Variants in ARID2 observed in about 807,000 individuals in gnomAD.
The protein encoded by ARID2 is AT-rich interactive domain-containing protein 2.
A neutral mutation model predicts 184.6 loss-of-function variants in ARID2; 32 were observed. The ratio of observed to expected loss-of-function variants is 0.17; its 90% CI spans 0.13 to 0.23. ARID2 has a LOEUF of 0.23. ARID2 is among the 10% of genes least tolerant of loss of function. ARID2 has a pLI of 1.00. For missense variants in ARID2, 1,696 were observed against 2,197.6 expected (o/e 0.77, Z 4.56); for synonymous variants, 836 against 772.6 (o/e 1.08, Z -1.36).
rs958797303 is a variant in ARID2 at position 45,906,683 on chromosome 12, AAG to A, written c.*1610_*1611del. 6 of 232,070 alleles carry A rather than the reference AAG, an allele frequency of 2.6e-5. No homozygotes were observed. Among genetic ancestry groups the A allele is most frequent in the African/African-American group, 4.4e-5 (2 of 45,300 alleles). 14.4% of individuals were successfully genotyped at this position (232,070 alleles called of 1,614,324 possible). A position where few individuals can be genotyped will look rare whatever the true frequency, so the allele number is the denominator to read the frequency against. ...ATAACATATTAAATAGAGAACAAATAAGAGAGGTCCTTTACATGACAAATTTG... is the reference window on the plus strand; with the variant it reads ...ATAACATATTAAATAGAGAACAAATAAGAGGTCCTTTACATGACAAATTTG... On this transcript the variant is annotated 3_prime_UTR_variant, in exon 21 of 21. Transcript: ENST00000334344.
intron 3 of ARID2, among the ~76,000 whole-genome samples, chr12:45,798,096 C>T (rs995741850): frequency 6.6e-6 from 1 of 152,024 alleles, no homozygotes; most frequent in Non-Finnish European, 1.5e-5. Context: ...GCTCTGTACC[C>T]TTTTTTACTA....
chr12:45,790,851 T>A (rs183502769), intron 3 of ARID2, among the ~76,000 whole-genome samples: 269 of 152,338 alleles, frequency 1.8e-3, no homozygotes, highest in Middle Eastern at 3.4e-3. Context: ...TGATTTTTTT[T>A]AATAATTCCC....
chr12:45,822,837 T>C lies in ARID2; in HGVS notation c.705+1350T>C, dbSNP rs573218595. Among the ~76,000 whole-genome samples the C allele has an allele frequency of 1.3e-3, 192 of 152,262 alleles. 1 individual carries two copies. Among genetic ancestry groups the C allele is most frequent in the African/African-American group, 4.5e-3 (186 of 41,558 alleles). Reference sequence around the variant, plus strand: ...AGGCCCCAGATGTATAAAGCAAATATTAGTAGAGCTAAAAAGAGACCCCAA... The same window carrying C: ...AGGCCCCAGATGTATAAAGCAAATACTAGTAGAGCTAAAAAGAGACCCCAA... On this transcript the variant is annotated intron_variant, in intron 6 of 20. Coordinates refer to ENST00000334344, the MANE Select transcript of ARID2 (RefSeq NM_152641.4).
chr12:45,790,309 G>A (rs1942272185), intron 3 of ARID2, among the ~76,000 whole-genome samples: 1 of 151,816 alleles, frequency 6.6e-6, no homozygotes, highest in South Asian at 2.1e-4. Context: ...TATGCCTTAT[G>A]GTTCTGTAAC....
intron 8 of ARID2, 39 bp downstream of exon 8, chr12:45,837,030 T>C (rs779680634): frequency 6.3e-7 from 1 of 1,583,414 alleles, no homozygotes; most frequent in South Asian, 1.2e-5. Context: ...TTTTTATAGT[T>C]AGCAACATTT....
intron 3 of ARID2, among the ~76,000 whole-genome samples, chr12:45,738,779 C>CTTTTTTTTTTTTTTTTTTTTT (rs11333868): frequency 3.2e-5 from 2 of 62,304 alleles, no homozygotes; most frequent in African/African-American, 8.5e-5. Context: ...ATATGGGCTA[C>CTTTTTTTTTTTTTTTTTTTTT]TTTTTTTTTT....
In ARID2 at chr12:45,811,550, G is replaced by A. The variant is rs1942709057; in HGVS notation, c.417G>A (p.Ser139=). Residue 139 remains serine (S), a splice_region_variant and synonymous_variant, in exon 4 of 21, where the codon TCG becomes TCA. Transcript: ENST00000334344. Reference sequence around the variant, plus strand: ...ACAATTACCAGCAACACAGTGTGTCGGGTAAATATCACTGCAAATTAACAG... The same window carrying A: ...ACAATTACCAGCAACACAGTGTGTCAGGTAAATATCACTGCAAATTAACAG... ...SSYNYQQHSV[S]DYLRQSYGLS... is the part of the protein sequence containing the mutation. The A allele has an allele frequency of 6.2e-6, 10 of 1,611,510 alleles. No individual in the cohort carries two copies. The highest frequency in any genetic ancestry group is 2.2e-5 in the East Asian group (1 of 44,810).
At chr12:45,763,648 A>T (rs1361970015) in intron 3 of ARID2, among the ~76,000 whole-genome samples, 1 of 151,726 alleles carries the variant, frequency 6.6e-6, no homozygotes, top group Non-Finnish European at 1.5e-5. Context: ...ACAAAAAAAA[A>T]AAAATTTTTT....
intron 3 of ARID2, among the ~76,000 whole-genome samples, chr12:45,772,953 A>G (rs1285415875): frequency 6.6e-6 from 1 of 152,204 alleles, no homozygotes; most frequent in African/African-American, 2.4e-5. Context: ...CAGTAGCAGA[A>G]TATGGATTTT....
intron 20 of ARID2, among the ~76,000 whole-genome samples, chr12:45,897,811 C>T (rs904902657): frequency 6.6e-5 from 10 of 151,814 alleles, no homozygotes; most frequent in Admixed American, 2.6e-4. Flanking sequence ...GTAAAGTTCA[C>T]GCTTTTTAGT....
rs1944550127 is a variant in ARID2, at chr12:45,907,802, T to A, written c.*2724T>A. 1 of 232,368 alleles carries A rather than the reference T, an allele frequency of 4.3e-6. No individual in the cohort carries two copies. The highest frequency in any genetic ancestry group is 2.2e-5 in the African/African-American group (1 of 45,282). The allele number at this position is 232,368 out of a possible 1,614,324, so 14.4% of individuals were successfully genotyped here. A position where few individuals can be genotyped will look rare whatever the true frequency, so the allele number is the denominator to read the frequency against. ...AGTCTACAACATAGAGACTGTATAA[T>A]TCTGTGTTATATATGTGCCTAGTGC... On this transcript the variant is annotated 3_prime_UTR_variant, in exon 21 of 21. Transcript: ENST00000334344.
chr12:45,772,089 A>G (rs1941889410), intron 3 of ARID2, among the ~76,000 whole-genome samples: 1 of 152,194 alleles, frequency 6.6e-6, no homozygotes, highest in South Asian at 2.1e-4. Context: ...TAAGATGTAT[A>G]TGGGAAGCCC....
chr12:45,751,413 G>A (rs1297171975), intron 3 of ARID2, among the ~76,000 whole-genome samples: 2 of 152,206 alleles, frequency 1.3e-5, no homozygotes, highest in Non-Finnish European at 2.9e-5. Flanking sequence ...AGCAGATCTT[G>A]TAGGGCCTCT....
chr12:45,874,777 A>G (rs1253708382), intron 16 of ARID2, among the ~76,000 whole-genome samples: 1 of 152,246 alleles, frequency 6.6e-6, no homozygotes, highest in Non-Finnish European at 1.5e-5. Flanking sequence ...TTACTTTGCC[A>G]GATCTATCCA....
In ARID2 at chr12:45,810,943, C is replaced by G. The variant is rs555637941; in HGVS notation, c.285-475C>G. Among the ~76,000 whole-genome samples the G allele has an allele frequency of 5.9e-5, 9 of 151,924 alleles. No individual in the cohort carries two copies. The East Asian group carries it at 1.6e-3, about 26-fold the overall frequency. On this transcript the variant is annotated intron_variant, in intron 3 of 20. Coordinates refer to ENST00000334344, the MANE Select transcript of ARID2 (RefSeq NM_152641.4). The stretch of plus-strand genomic sequence containing the variant: ...ATTGCATTGAGGCCGGGCGCGGTGG[C>G]TCATGCCTGTAATCCCAGCACTTTG...
intron 3 of ARID2, among the ~76,000 whole-genome samples, chr12:45,778,814 G>T (rs561977541): frequency 1.2e-4 from 18 of 151,974 alleles, no homozygotes; most frequent in Admixed American, 5.2e-4. Flanking sequence ...GCTGATACTG[G>T]TTAATTATAG....
rs149219400 is a variant in ARID2, at chr12:45,836,648, G to T, written c.765G>T (p.Lys255Asn). Residue 255 changes from lysine to asparagine, a missense_variant, in exon 7 of 21, where the codon AAG becomes AAT. Physicochemically the swap from Lys to Asn is moderately conservative, Grantham distance 94 (BLOSUM62 0). Coordinates refer to ENST00000334344, the MANE Select transcript of ARID2 (RefSeq NM_152641.4). ...EVRDLISDRNKSHEGTSGEWI... is the reference protein window; with the variant it reads ...EVRDLISDRNNSHEGTSGEWI... ...GTGACCTCATTTCTGACAGAAACAA[G>T]TCTCATGGTAAGTTAGTGAAAGCAA... The T allele has an allele frequency of 3.1e-6, 5 of 1,610,292 alleles. No individual in the cohort carries two copies. The South Asian group carries it at 4.5e-5, about 14-fold the overall frequency.
intron 3 of ARID2, among the ~76,000 whole-genome samples, chr12:45,784,432 G>A (rs1434519514): frequency 6.6e-6 from 1 of 152,120 alleles, no homozygotes; most frequent in African/African-American, 2.4e-5. Flanking sequence ...AACACAATGA[G>A]AAACATGTAA....
At chr12:45,849,817 AT>A (rs1188571688) in intron 14 of ARID2, 41 bp downstream of exon 14, 1 of 1,551,998 alleles carries the variant, frequency 6.4e-7, no homozygotes, top group Non-Finnish European at 8.8e-7. Context: ...TACTGATTTA[AT>A]AATAAAACTG....
Sources: gnomAD v4.1 joint callset for allele counts (sites outside exome capture counted in the v4.1 genomes callset) on GRCh38, gnomAD v4.1.1 for gene constraint, MANE v1.5 for transcripts, NCBI Gene and HGNC (gene_info 2026-07-23, HGNC 2026-07-21) for gene names.